Variants in ZBTB11 observed in about 807,000 individuals in gnomAD.
ZBTB11 encodes zinc finger and BTB domain-containing protein 11.
In ZBTB11, 68 loss-of-function variants were observed where a neutral mutation model predicts 113.1. The ratio of observed to expected loss-of-function variants is 0.60; its 90% CI spans 0.49 to 0.74. ZBTB11 has a LOEUF of 0.74. ZBTB11 is among the 30% of genes least tolerant of loss of function. The pLI, the probability that ZBTB11 is intolerant of heterozygous loss-of-function variation, is 0.00. For missense variants in ZBTB11, 1,104 were observed against 1,279.4 expected (o/e 0.86, Z 2.09); for synonymous variants, 518 against 452.6 (o/e 1.14, Z -1.83).
Position 101,659,812 on chromosome 3 carries a change from G to A in ZBTB11, c.2017C>T (p.His673Tyr). 1.2e-6 allele frequency: 2 copies of A among 1,614,190 alleles called. No individual in the cohort carries two copies. The highest frequency in any genetic ancestry group is 1.7e-6 in the Non-Finnish European group (2 of 1,180,030). ...CATGCATGTGGCTTTACACCTGTGTGCTTTAACATATGTATTCGGAGAGAA... is the reference window on the plus strand; with the variant it reads ...CATGCATGTGGCTTTACACCTGTGTACTTTAACATATGTATTCGGAGAGAA... Reference protein sequence around the residue: ...LYSLRIHMLKHTGVKPHACQV... With the variant: ...LYSLRIHMLKYTGVKPHACQV... The change falls in exon 6 of 11, where the codon CAC becomes TAC. Residue 673 changes from histidine to tyrosine, a missense_variant. Around this residue, in one of 5 missense-constraint regions of ZBTB11, gnomAD observed 535 missense variants for 518.6 expected, o/e 1.03. Transcript: ENST00000312938.
Position 101,650,910 on chromosome 3 carries a change from C to T in ZBTB11, c.*256G>A. ...TTCATAAAAGGTATATCATGATAAA[C>T]CACTGCCATCAAATATTAGGTTGGT... On this transcript the variant is annotated 3_prime_UTR_variant, in exon 11 of 11. Coordinates refer to ENST00000312938, the MANE Select transcript of ZBTB11 (RefSeq NM_014415.4). 3.3e-6 allele frequency: 1 copy of T among 305,258 alleles called. No individual in the cohort carries two copies. The highest frequency in any genetic ancestry group is 4.5e-5 in the Admixed American group (1 of 21,998). The allele number at this position is 305,258 out of a possible 1,614,324, so 18.9% of individuals were successfully genotyped here.
intron 1 of ZBTB11, among the ~76,000 whole-genome samples, chr3:101,673,357 C>T (rs1250642541): frequency 6.6e-6 from 1 of 152,138 alleles, no homozygotes; most frequent in Non-Finnish European, 1.5e-5. Context: ...TATTATTCTA[C>T]TTACACAAGA....
chr3:101,668,941 G>A (rs767860352), intron 3 of ZBTB11, among the ~76,000 whole-genome samples: 44 of 151,850 alleles, frequency 2.9e-4, no homozygotes, highest in Non-Finnish European at 5.3e-4. Context: ...CAAATGAAAT[G>A]GACAATTATA....
At position 101,652,911 on chromosome 3, in the gene ZBTB11, T is replaced by C; in HGVS notation, c.2337A>G (p.Arg779=). The change falls in exon 9 of 11, where the codon AGA becomes AGG. Residue 779 remains arginine, a synonymous_variant. Coordinates refer to ENST00000312938, the MANE Select transcript of ZBTB11 (RefSeq NM_014415.4). The part of the protein sequence containing the change: ...TQCEKSFFEA[R]DLRQHMNKHL... ...GTTTGTTCATGTGCTGGCGAAGATCTCTAGCTTCAAAGAAACTTTTTTCAC... is the reference window on the plus strand; with the variant it reads ...GTTTGTTCATGTGCTGGCGAAGATCCCTAGCTTCAAAGAAACTTTTTTCAC... 2 of 1,612,518 alleles carry C rather than the reference T, an allele frequency of 1.2e-6. No homozygotes were observed. The highest frequency in any genetic ancestry group is 3.3e-4 in the Middle Eastern group (2 of 6,050).
rs759668075 is a variant in ZBTB11 at position 101,652,541 on chromosome 3, A to C, written c.2599T>G (p.Phe867Val). The change falls in exon 10 of 11, where the codon TTC becomes GTC. Residue 867 changes from phenylalanine to valine, a missense_variant. Coordinates refer to ENST00000312938, the MANE Select transcript of ZBTB11 (RefSeq NM_014415.4). ...ERVCEKCGRK[F>V]TQLREYRRHM... The stretch of plus-strand genomic sequence containing the variant: ...CTCCTATACTCTCTTAGCTGAGTGA[A>C]TTTTCTTCCACATTTTTCACACACC... The C allele has an allele frequency of 6.2e-7, 1 of 1,613,932 alleles. No homozygotes were observed. The highest frequency in any genetic ancestry group is 1.3e-5 in the African/African-American group (1 of 74,892).
rs969881556 is a variant in ZBTB11 at position 101,676,496 on chromosome 3, C to T, written c.310+109G>A. 6 of 1,195,904 alleles carry T rather than the reference C, an allele frequency of 5.0e-6. No individual in the cohort carries two copies. The African/African-American group carries it at 9.7e-5, about 19-fold the overall frequency. 74.1% of individuals were successfully genotyped at this position (1,195,904 alleles called of 1,614,324 possible). A position where few individuals can be genotyped will look rare whatever the true frequency, so the allele number is the denominator to read the frequency against. On this transcript the variant is annotated intron_variant, in intron 1 of 10. Coordinates refer to ENST00000312938, the MANE Select transcript of ZBTB11 (RefSeq NM_014415.4). ...TCCGCCTGGCAGCAGCTCCGCCGCC[C>T]AGAGGCGTCCGAGACCCTCCGACTC...
intron 1 of ZBTB11, among the ~76,000 whole-genome samples, chr3:101,674,522 C>A (rs965431558): frequency 6.6e-6 from 1 of 151,816 alleles, no homozygotes; most frequent in African/African-American, 2.4e-5. Flanking sequence ...CCCAGCCTGG[C>A]CAACATGGTG....
Position 101,652,787 on chromosome 3 carries a change from G to T in ZBTB11, c.2461C>A (p.Pro821Thr). The change falls in exon 9 of 11, where the codon CCT becomes ACT. Residue 821 changes from proline (P) to threonine (T), a missense_variant. By Grantham distance (38) the Pro-to-Thr change is conservative. Coordinates refer to ENST00000312938, the MANE Select transcript of ZBTB11 (RefSeq NM_014415.4). ...CTTCTCAAATTTACTCACCTATAAGGCTCAGTGACAGAATGAGACTTCACA... is the reference window on the plus strand; with the variant it reads ...CTTCTCAAATTTACTCACCTATAAGTCTCAGTGACAGAATGAGACTTCACA... ...SHVKSHSVTE[P>T]YRCNICGKEF... The T allele has an allele frequency of 1.2e-6, 2 of 1,613,214 alleles. No individual in the cohort carries two copies. The highest frequency in any genetic ancestry group is 1.7e-6 in the Non-Finnish European group (2 of 1,179,844).
At chr3:101,657,763 C>G (rs1018602638) in intron 6 of ZBTB11, among the ~76,000 whole-genome samples, 2 of 151,830 alleles carry the variant, frequency 1.3e-5, no homozygotes, top group South Asian at 2.1e-4. Flanking sequence ...GGTGGGAGAA[C>G]AGCTTGAGAC....
intron 8 of ZBTB11, among the ~76,000 whole-genome samples, chr3:101,653,588 TTTCATTAATAACTAAAAATGTA>T (rs1476731850): frequency 6.6e-6 from 1 of 152,162 alleles, no homozygotes; most frequent in African/African-American, 2.4e-5. Flanking sequence ...TTGGGTGTAC[TTTCATTAATAACTAAAAATGTA>T]TTGATAACAA....
chr3:101,656,309 T>C (rs911718349), intron 6 of ZBTB11, 61 bp from the exon 7 acceptor site: 5 of 1,073,540 alleles, frequency 4.7e-6, no homozygotes, highest in Non-Finnish European at 5.0e-6. Context: ...TTCTGAACAA[T>C]GAAGACAGAG....
At position 101,659,797 on chromosome 3, in the gene ZBTB11, G is replaced by A. The variant is rs1388795358; in HGVS notation, c.2032C>T (p.Pro678Ser). The A allele has an allele frequency of 6.2e-7, 1 of 1,614,146 alleles. No homozygotes were observed. The highest frequency in any genetic ancestry group is 2.2e-5 in the East Asian group (1 of 44,878). The change falls in exon 6 of 11, where the codon CCA becomes TCA. Residue 678 changes from proline (P) to serine (S), a missense_variant. Pro to Ser is a moderately conservative substitution (Grantham distance 74, BLOSUM62 -1). Coordinates refer to ENST00000312938, the MANE Select transcript of ZBTB11 (RefSeq NM_014415.4). ...IHMLKHTGVK[P>S]HACQVCGKTF... ...TATAGCTTTACCTGGCATGCATGTG[G>A]CTTTACACCTGTGTGCTTTAACATA...
chr3:101,668,889 G>GA (rs1553779424), intron 3 of ZBTB11, among the ~76,000 whole-genome samples: 2 of 146,120 alleles, frequency 1.4e-5, no homozygotes, highest in African/African-American at 5.0e-5. Flanking sequence ...GGCAAATTTT[G>GA]TTTTTTTTTT....
chr3:101,656,936 C>T lies in ZBTB11; in HGVS notation c.2047-688G>A, dbSNP rs1576645038. 4.0e-5 allele frequency among the ~76,000 whole-genome samples: 6 copies of T among 151,018 alleles called. No individual in the cohort carries two copies. The South Asian group carries it at 1.3e-3, about 32-fold the overall frequency. ...ATCATTTGAGGTCAGGAGTTCGTGA[C>T]CAGCCTGGTCAACATGGTGAAACCC... On this transcript the variant is annotated intron_variant, in intron 6 of 10. Transcript: ENST00000312938.
In ZBTB11 at chr3:101,664,637, T is replaced by C. The variant is rs971782601; in HGVS notation, c.1701A>G (p.Ala567=). The C allele has an allele frequency of 6.2e-7, 1 of 1,613,984 alleles. No individual in the cohort carries two copies. Among genetic ancestry groups the C allele is most frequent in the Non-Finnish European group, 8.5e-7 (1 of 1,179,972 alleles). ...KRDAKENTEE[A]SHKCGECGMV... is the part of the protein sequence containing the mutation. ...TTCCACATTCCCCACATTTATGAGA[T>C]GCTTCTTCTGTGTTCTCTTTAGCAT... Residue 567 remains alanine (A), a synonymous_variant, in exon 5 of 11, where the codon GCA becomes GCG. Transcript: ENST00000312938.
chr3:101,664,403 T>C, intron 5 of ZBTB11, 135 bp downstream of exon 5: 3 of 818,998 alleles, frequency 3.7e-6, no homozygotes, highest in Non-Finnish European at 5.4e-6. Context: ...GTAAATGACA[T>C]GCACATTTAA....
Position 101,651,013 on chromosome 3 carries a change from G to T in ZBTB11, c.*153C>A. 1.2e-6 allele frequency: 1 copy of T among 814,458 alleles called. No homozygotes were observed. Among genetic ancestry groups the T allele is most frequent in the Non-Finnish European group, 1.8e-6 (1 of 545,758 alleles). The allele number at this position is 814,458 out of a possible 1,614,324, so 50.5% of individuals were successfully genotyped here. On this transcript the variant is annotated 3_prime_UTR_variant, in exon 11 of 11. Coordinates refer to ENST00000312938, the MANE Select transcript of ZBTB11 (RefSeq NM_014415.4). Reference sequence around the variant, plus strand: ...AACGGACTTTTCTATAGAACCCATTGGCCAGACAAAATGTTTGGAAACGTT... The same window carrying T: ...AACGGACTTTTCTATAGAACCCATTTGCCAGACAAAATGTTTGGAAACGTT...
chr3:101,674,712 A>T (rs1193910614), intron 1 of ZBTB11, among the ~76,000 whole-genome samples: 4 of 150,332 alleles, frequency 2.7e-5, no homozygotes, highest in East Asian at 1.9e-4. Flanking sequence ...ATAAATAAAT[A>T]AAATAAATAA....
intron 8 of ZBTB11, among the ~76,000 whole-genome samples, chr3:101,654,292 T>C (rs1199513954): frequency 6.6e-6 from 1 of 152,192 alleles, no homozygotes; most frequent in Non-Finnish European, 1.5e-5. Context: ...CTGCCCGCCT[T>C]GGCCTCCCAA....
Sources: allele counts gnomAD v4.1 joint callset (sites outside exome capture counted in the v4.1 genomes callset), GRCh38; gene constraint gnomAD v4.1.1; regional missense constraint gnomAD v4.1.1; transcripts MANE v1.5; gene names NCBI Gene and HGNC (gene_info 2026-07-23, HGNC 2026-07-21).